Variants in DSCAM observed in about 807,000 individuals in gnomAD.
DSCAM encodes the protein cell adhesion molecule DSCAM.
A neutral mutation model predicts 217.7 loss-of-function variants in DSCAM; 47 were observed. The observed-to-expected ratio is 0.22, with a 90% CI of 0.17 to 0.28. The LOEUF (loss-of-function observed/expected upper bound fraction) is 0.28. DSCAM is among the 10% of genes least tolerant of loss of function. The pLI, the probability that DSCAM is intolerant of heterozygous loss-of-function variation, is 1.00. For missense variants in DSCAM, 2,080 were observed against 2,618.3 expected (o/e 0.79, Z 4.49); for synonymous variants, 1,056 against 1,015.3 (o/e 1.04, Z -0.76).
intron 3 of DSCAM, among the ~76,000 whole-genome samples, chr21:40,679,395 C>T (rs998324539): frequency 6.6e-6 from 1 of 152,176 alleles, no homozygotes; most frequent in Admixed American, 6.5e-5. Flanking sequence ...AAGGCAAAAT[C>T]TCTATCTTCT....
chr21:40,344,084 A>G (rs1023226166), intron 6 of DSCAM, among the ~76,000 whole-genome samples: 18 of 152,054 alleles, frequency 1.2e-4, no homozygotes, highest in African/African-American at 4.1e-4. Context: ...TTTTTAGCAG[A>G]GACAGGATTT....
intron 3 of DSCAM, among the ~76,000 whole-genome samples, chr21:40,508,754 TATATATATATATATATATATA>T (rs2076230835): frequency 1.7e-3 from 8 of 4,812 alleles, no homozygotes; most frequent in Admixed American, 6.6e-3. Context: ...TATATATATA[TATATATATATATATATATATA>T]TATATATATT....
At chr21:40,467,260 ATTAACTTC>A (rs2075852865) in intron 3 of DSCAM, among the ~76,000 whole-genome samples, 3 of 152,244 alleles carry the variant, frequency 2.0e-5, no homozygotes. Flanking sequence ...ATTCCAGCAC[ATTAACTTC>A]TTAAACACTG....
At chr21:40,139,619 CA>C (rs1568962215) in intron 18 of DSCAM, among the ~76,000 whole-genome samples, 3 of 151,584 alleles carry the variant, frequency 2.0e-5, no homozygotes, top group African/African-American at 7.3e-5. Context: ...TTTTGGGGGC[CA>C]AAAAGATATT....
intron 3 of DSCAM, among the ~76,000 whole-genome samples, chr21:40,599,373 G>A (rs2077045600): frequency 6.6e-6 from 1 of 151,892 alleles, no homozygotes. Flanking sequence ...CCCTCCCTTG[G>A]CCCCCAACCC....
chr21:40,839,177 T>C (rs918432269), intron 1 of DSCAM, among the ~76,000 whole-genome samples: 2 of 152,194 alleles, frequency 1.3e-5, no homozygotes, highest in Non-Finnish European at 2.9e-5. Flanking sequence ...AACATTTGTG[T>C]CAATCACAAA....
intron 3 of DSCAM, among the ~76,000 whole-genome samples, chr21:40,470,742 G>A (rs558810603): frequency 1.1e-3 from 171 of 152,228 alleles, no homozygotes; most frequent in Middle Eastern, 6.8e-3. Flanking sequence ...TTTGTAGAGA[G>A]AGGGTTTCCC....
At chr21:40,739,725 C>T (rs1431136851) in intron 1 of DSCAM, among the ~76,000 whole-genome samples, 3 of 151,972 alleles carry the variant, frequency 2.0e-5, no homozygotes, top group African/African-American at 7.2e-5. Flanking sequence ...GGCCCATAAC[C>T]CTGGGGATAA....
intron 11 of DSCAM, among the ~76,000 whole-genome samples, chr21:40,239,404 C>T (rs1347787098): frequency 6.6e-6 from 1 of 151,978 alleles, no homozygotes. Flanking sequence ...TTTTTGGATA[C>T]CTGCCTTCTT....
At chr21:40,435,980 A>C (rs1362063933) in intron 3 of DSCAM, among the ~76,000 whole-genome samples, 2 of 152,188 alleles carry the variant, frequency 1.3e-5, no homozygotes, top group Non-Finnish European at 2.9e-5. Context: ...GACATTCAAC[A>C]CATTTTACAA....
Position 40,052,059 on chromosome 21 carries a change from G to A in DSCAM, c.5084C>T (p.Ala1695Val), listed in dbSNP as rs1259861601. 6.2e-7 allele frequency: 1 copy of A among 1,614,138 alleles called. No individual in the cohort carries two copies. The highest frequency in any genetic ancestry group is 8.5e-7 in the Non-Finnish European group (1 of 1,180,030). The change falls in exon 30 of 33, where the codon GCT (alanine) becomes GTT (valine). Residue 1695 changes from alanine (A) to valine (V), a missense_variant. By Grantham distance (64) the Ala-to-Val change is moderately conservative. Around this residue, in one of 5 missense-constraint regions of DSCAM, gnomAD observed 1,144 missense variants for 1,421.1 expected, o/e 0.81. Coordinates refer to ENST00000400454, the MANE Select transcript of DSCAM (RefSeq NM_001389.5). Reference protein sequence around the residue: ...LLTDADFGEAAKQKSLTVTHT... With the variant: ...LLTDADFGEAVKQKSLTVTHT... ...AGTGACCGTCAGGGACTTCTGCTTA[G>A]CTGCCTCTCCAAAGTCAGCATCCGT...
At chr21:40,142,437 G>T (rs1043780580) in intron 18 of DSCAM, 121 bp downstream of exon 18, 2 of 1,054,272 alleles carry the variant, frequency 1.9e-6, no homozygotes, top group Non-Finnish European at 2.7e-6. Context: ...AGGGGAAAGT[G>T]TCTATTGATA....
At chr21:40,480,316 G>A (rs1262913749) in intron 3 of DSCAM, among the ~76,000 whole-genome samples, 2 of 152,138 alleles carry the variant, frequency 1.3e-5, no homozygotes, top group African/African-American at 2.4e-5. Context: ...ATGAGATAAA[G>A]CATTTCCCAA....
At chr21:40,287,732 A>G (rs1238105200) in intron 10 of DSCAM, among the ~76,000 whole-genome samples, 2 of 152,132 alleles carry the variant, frequency 1.3e-5, no homozygotes, top group African/African-American at 2.4e-5. Context: ...TGAGCAGAAG[A>G]GGGTGCTTTT....
chr21:40,050,528 G>T (rs549028078), intron 30 of DSCAM, among the ~76,000 whole-genome samples: 2 of 152,046 alleles, frequency 1.3e-5, no homozygotes, highest in East Asian at 1.9e-4. Flanking sequence ...TGTCGTCCAG[G>T]CTGGAGTGCA....
intron 3 of DSCAM, among the ~76,000 whole-genome samples, chr21:40,440,070 G>GA (rs1162431599): frequency 6.0e-3 from 1 of 166 alleles, no homozygotes; most frequent in Non-Finnish European, 0.013. Flanking sequence ...AAAGCAACCT[G>GA]GGTCTTCTGA....
chr21:40,731,591 A>G (rs1366403841), intron 1 of DSCAM, among the ~76,000 whole-genome samples: 4 of 152,118 alleles, frequency 2.6e-5, no homozygotes, highest in Non-Finnish European at 5.9e-5. Context: ...GTTTGTAGAA[A>G]GTGTCTTCTC....
At chr21:40,110,143 G>A (rs2089877290) in intron 20 of DSCAM, among the ~76,000 whole-genome samples, 1 of 152,158 alleles carries the variant, frequency 6.6e-6, no homozygotes, top group South Asian at 2.1e-4. Context: ...TGACCCCCGA[G>A]TAGCCTAACT....
chr21:40,822,108 C>T (rs1356774186), intron 1 of DSCAM, among the ~76,000 whole-genome samples: 1 of 151,368 alleles, frequency 6.6e-6, no homozygotes, highest in Non-Finnish European at 1.5e-5. Context: ...CACTTGAGGT[C>T]GGGAGTTTGA....
Sources: gnomAD v4.1 joint callset for allele counts (sites outside exome capture counted in the v4.1 genomes callset) on GRCh38, gnomAD v4.1.1 for gene constraint, gnomAD v4.1.1 regional missense constraint, MANE v1.5 for transcripts, NCBI Gene and HGNC (gene_info 2026-07-23, HGNC 2026-07-21) for gene names.